AFF3: variants seen among roughly 807,000 people sequenced by gnomAD.
AFF3 encodes the protein ALF transcription elongation factor 3.
AFF3 carries 32 observed loss-of-function variants against 129.7 expected under a neutral mutation model. The observed-to-expected ratio is 0.25, with a 90% confidence interval of 0.19 to 0.33. The LOEUF (loss-of-function observed/expected upper bound fraction) is 0.33, where lower values mean the gene tolerates loss of function less well. Ranked by LOEUF, AFF3 falls within the 10% of genes least tolerant of loss-of-function variation. The pLI, the probability that AFF3 is intolerant of heterozygous loss-of-function variation, is 1.00. For synonymous variants in AFF3, 644 were observed against 635.4 expected (o/e 1.01, Z -0.20); for missense variants, 1,373 against 1,592.0 (o/e 0.86, Z 2.34).
intron 12 of AFF3, among the ~76,000 whole-genome samples, chr2:99,659,594 T>C (rs1686048975): frequency 6.6e-6 from 1 of 152,120 alleles, no homozygotes; most frequent in Admixed American, 6.5e-5. Flanking sequence ...AAATAGAAAG[T>C]AAATCGCCAC....
At chr2:99,858,200 A>G (rs908221020) in intron 7 of AFF3, among the ~76,000 whole-genome samples, 3 of 152,118 alleles carry the variant, frequency 2.0e-5, no homozygotes, top group Non-Finnish European at 2.9e-5. Flanking sequence ...GCTGGGCCCA[A>G]CCAGTTCCAG....
intron 10 of AFF3, among the ~76,000 whole-genome samples, chr2:99,739,013 A>ATTTTTT (rs55856427): frequency 0.56 from 77,588 of 137,942 alleles, 22,894 homozygotes; most frequent in East Asian, 0.75. Context: ...GAACTGTTCA[A>ATTTTTT]TTTTTTTTTT....
At chr2:99,620,522 G>A (rs895237850) in intron 13 of AFF3, among the ~76,000 whole-genome samples, 2 of 152,006 alleles carry the variant, frequency 1.3e-5, no homozygotes, top group African/African-American at 4.8e-5. Flanking sequence ...CTAATTACTC[G>A]GAGGCTGAGG....
chr2:99,576,493 G>A (rs1278832238), intron 18 of AFF3, among the ~76,000 whole-genome samples: 1 of 144,592 alleles, frequency 6.9e-6, no homozygotes, highest in Non-Finnish European at 1.5e-5. Context: ...TCTAGCCTGC[G>A]TGACAGGGCA....
intron 2 of AFF3, among the ~76,000 whole-genome samples, chr2:100,120,110 A>G (rs1691894941): frequency 6.6e-6 from 1 of 152,222 alleles, no homozygotes; most frequent in South Asian, 2.1e-4. Context: ...CCATACGAGA[A>G]GTATTATCAG....
intron 7 of AFF3, among the ~76,000 whole-genome samples, chr2:99,920,097 C>T (rs1019960944): frequency 2.0e-5 from 3 of 151,936 alleles, no homozygotes; most frequent in Non-Finnish European, 4.4e-5. Flanking sequence ...AAAGAAAACT[C>T]TAGGACTAAA....
rs1691061274 is a variant in AFF3 at position 100,104,509 on chromosome 2, C to G, written c.-55G>C. 7.9e-7 allele frequency: 1 copy of G among 1,271,278 alleles called. No homozygotes were observed. The allele number at this position is 1,271,278 out of a possible 1,614,324, so 78.7% of individuals were successfully genotyped here. A position where few individuals can be genotyped will look rare whatever the true frequency, so the allele number is the denominator to read the frequency against. ...CTACCGCCGCCGCCGAGGCTCGGGC[C>G]GCCCGCGCGCTGCAACGAAAGGCGC... On this transcript the variant is annotated 5_prime_UTR_variant, in exon 4 of 25. Coordinates refer to ENST00000672756, the MANE Select transcript of AFF3 (RefSeq NM_001386135.1).
At chr2:99,610,134 T>G (rs1680777383) in intron 13 of AFF3, among the ~76,000 whole-genome samples, 1 of 152,224 alleles carries the variant, frequency 6.6e-6, no homozygotes, top group East Asian at 1.9e-4. Flanking sequence ...ACCAGCCTTG[T>G]TGCTCACACA....
chr2:99,782,599 C>T (rs1684496339), intron 8 of AFF3, among the ~76,000 whole-genome samples: 1 of 152,216 alleles, frequency 6.6e-6, no homozygotes, highest in South Asian at 2.1e-4. Context: ...AGCATTTGCT[C>T]AAGTCCTTCT....
intron 7 of AFF3, among the ~76,000 whole-genome samples, chr2:99,864,250 A>G (rs1691211447): frequency 6.6e-6 from 1 of 152,156 alleles, no homozygotes; most frequent in African/African-American, 2.4e-5. Flanking sequence ...TGTCACCTTT[A>G]CCAAAGGTGT....
intron 17 of AFF3, among the ~76,000 whole-genome samples, chr2:99,579,895 C>T (rs915428472): frequency 1.3e-5 from 2 of 152,198 alleles, no homozygotes; most frequent in Non-Finnish European, 2.9e-5. Flanking sequence ...AATGGTTTCT[C>T]TGAAGTAATT....
intron 10 of AFF3, among the ~76,000 whole-genome samples, chr2:99,731,657 A>G (rs1300080058): frequency 6.6e-6 from 1 of 152,226 alleles, no homozygotes; most frequent in Non-Finnish European, 1.5e-5. Flanking sequence ...CTATAGGTCA[A>G]GTAAAAAATC....
At chr2:99,931,646 C>T (rs1305958999) in intron 7 of AFF3, among the ~76,000 whole-genome samples, 3 of 152,218 alleles carry the variant, frequency 2.0e-5, no homozygotes, top group Non-Finnish European at 2.9e-5. Context: ...CAGTGGCTCA[C>T]GCCTGTAATC....
chr2:99,646,448 T>C (rs1468445697), intron 13 of AFF3, among the ~76,000 whole-genome samples: 2 of 152,080 alleles, frequency 1.3e-5, no homozygotes, highest in Non-Finnish European at 2.9e-5. Flanking sequence ...AGAACAAAGA[T>C]GAAGGCATGA....
chr2:99,552,201 C>CA (rs1674472724), intron 24 of AFF3, among the ~76,000 whole-genome samples: 1 of 152,132 alleles, frequency 6.6e-6, no homozygotes, highest in Non-Finnish European at 1.5e-5. Context: ...GTCAGGACAA[C>CA]ATGGCAAAAC....
chr2:99,778,843 T>G (rs1684146986), intron 8 of AFF3, among the ~76,000 whole-genome samples: 1 of 151,996 alleles, frequency 6.6e-6, no homozygotes, highest in South Asian at 2.1e-4. Context: ...TCTGCAACTT[T>G]GCCAAACTTG....
At chr2:99,567,973 C>G (rs1250446474) in intron 19 of AFF3, among the ~76,000 whole-genome samples, 1 of 152,158 alleles carries the variant, frequency 6.6e-6, no homozygotes, top group African/African-American at 2.4e-5. Context: ...TTCCGCTGCC[C>G]TCCTCTATTT....
At chr2:99,661,045 C>A (rs910492834) in intron 12 of AFF3, among the ~76,000 whole-genome samples, 2 of 152,300 alleles carry the variant, frequency 1.3e-5, no homozygotes, top group African/African-American at 4.8e-5. Context: ...GTCGGTAAAT[C>A]CTTTACTATA....
At chr2:99,967,070 TCTG>T (rs1677854706) in intron 7 of AFF3, among the ~76,000 whole-genome samples, 1 of 152,220 alleles carries the variant, frequency 6.6e-6, no homozygotes, top group Non-Finnish European at 1.5e-5. Flanking sequence ...TTTCTTGGAC[TCTG>T]CTGTCTTCCA....
Sources: gnomAD v4.1 joint callset for allele counts (sites outside exome capture counted in the v4.1 genomes callset) on GRCh38, gnomAD v4.1.1 for gene constraint, MANE v1.5 for transcripts, NCBI Gene and HGNC (gene_info 2026-07-23, HGNC 2026-07-21) for gene names.